The following ATXN3 variants were observed in gnomAD, a reference collection of about 807,000 sequenced individuals.
ATXN3 encodes the protein ataxin-3.
A neutral mutation model predicts 58.2 loss-of-function variants in ATXN3; 28 were observed. The ratio of observed to expected loss-of-function variants is 0.48; its 90% CI spans 0.36 to 0.66. The LOEUF (loss-of-function observed/expected upper bound fraction) is 0.66, where lower values mean the gene tolerates loss of function less well. ATXN3 is among the 30% of genes least tolerant of loss of function. The pLI, the probability that ATXN3 is intolerant of heterozygous loss-of-function variation, is 0.00. For missense variants in ATXN3, 321 were observed against 422.1 expected, an observed-to-expected ratio of 0.76 and a Z score of 2.10; for synonymous variants, 113 against 138.5, an observed-to-expected ratio of 0.82 and a Z score of 1.29.
At chr14:92,104,963 CT>C (rs2067898541) in intron 1 of ATXN3, among the ~76,000 whole-genome samples, 1 of 151,072 alleles carries the variant, frequency 6.6e-6, no homozygotes, top group Non-Finnish European at 1.5e-5. Flanking sequence ...TTTTCACGCA[CT>C]CTACTCAGCC....
At chr14:92,076,455 G>GAA (rs374353802) in intron 9 of ATXN3, among the ~76,000 whole-genome samples, 3 of 98,540 alleles carry the variant, frequency 3.0e-5, no homozygotes, top group Admixed American at 1.2e-4. Flanking sequence ...TCTCAAAAAA[G>GAA]AAAAAAAAAA....
At chr14:92,045,728 A>C (rs1158260718) in intron 2 of ATXN3, among the ~76,000 whole-genome samples, 4 of 152,216 alleles carry the variant, frequency 2.6e-5, no homozygotes, top group Non-Finnish European at 5.9e-5. Context: ...TGAAATGACA[A>C]CAGAATAGAA....
intron 9 of ATXN3, among the ~76,000 whole-genome samples, chr14:92,075,234 G>A (rs968004365): frequency 7.2e-6 from 1 of 139,170 alleles, no homozygotes; most frequent in South Asian, 2.3e-4. Context: ...GCACAACCTC[G>A]GCTCACTGCA....
intron 2 of ATXN3, 176 bp downstream of exon 2, chr14:92,096,498 C>G: frequency 1.3e-6 from 1 of 762,100 alleles, no homozygotes; most frequent in Non-Finnish European, 2.1e-6. Flanking sequence ...GTGCCGTGTG[C>G]CTGTAATCCC....
rs768351340 is a variant in ATXN3 at position 92,064,321 on chromosome 14, TA to T, written c.1084del (p.Ter362AsnfsTer6). 36 of 1,592,150 alleles carry T rather than the reference TA, an allele frequency of 2.3e-5. No individual in the cohort carries two copies. In the East Asian group the frequency reaches 7.2e-4, roughly 32 times the overall value. Reference protein sequence around the residue: ...RNDLKTEGKK* With the variant: ...RNDLKTEGKKX ...TATCTAAATTATTTTTTAAAGGTAT[TA>T]TTTTTTTCCTTCTGTTTTCAAATCA... is the stretch of plus-strand genomic sequence containing the variant. On this transcript the variant is annotated frameshift_variant and stop_lost, in exon 11 of 11. Coordinates refer to ENST00000644486, the MANE Select transcript of ATXN3 (RefSeq NM_004993.6). LOFTEE classifies it high-confidence loss of function.
At chr14:92,088,131 C>T (rs1352557259) in intron 6 of ATXN3, among the ~76,000 whole-genome samples, 4 of 151,414 alleles carry the variant, frequency 2.6e-5, no homozygotes, top group African/African-American at 7.3e-5. Flanking sequence ...GGCAGTGGCG[C>T]GATCTCAGCT....
chr14:92,095,653 T>C (rs2065035885), intron 3 of ATXN3, among the ~76,000 whole-genome samples: 1 of 151,702 alleles, frequency 6.6e-6, no homozygotes, highest in Non-Finnish European at 1.5e-5. Flanking sequence ...TGTTTATCTA[T>C]ATAAAAATCT....
intron 1 of ATXN3, among the ~76,000 whole-genome samples, chr14:92,104,883 TTGCACTCCAGCCTGG>T (rs1555410199): frequency 4.0e-5 from 6 of 148,502 alleles, no homozygotes; most frequent in Non-Finnish European, 8.9e-5. Context: ...GATGGCGCCA[TTGCACTCCAGCCTGG>T]GTGACAAGAG....
intron 6 of ATXN3, among the ~76,000 whole-genome samples, chr14:92,085,261 G>A (rs1243602194): frequency 1.3e-5 from 2 of 151,030 alleles, no homozygotes; most frequent in African/African-American, 4.9e-5. Flanking sequence ...ATCTTGGCTC[G>A]CTGTAACCTC....
At chr14:92,068,018 G>C (rs1027260090) in intron 10 of ATXN3, among the ~76,000 whole-genome samples, 3 of 152,138 alleles carry the variant, frequency 2.0e-5, no homozygotes, top group African/African-American at 7.2e-5. Flanking sequence ...GGACATTGTG[G>C]AGGTGTCCTT....
In ATXN3 at chr14:92,059,653, C is replaced by T. The variant is rs2140178400; in HGVS notation, c.*4667G>A. On this transcript the variant is annotated 3_prime_UTR_variant, in exon 11 of 11. Coordinates refer to ENST00000644486, the MANE Select transcript of ATXN3 (RefSeq NM_004993.6). Reference sequence around the variant, plus strand: ...CTAACATGGTAAAAGCCCGTCTCTACTAAAAAAAACAAATATTCGCCAGGT... The same window carrying T: ...CTAACATGGTAAAAGCCCGTCTCTATTAAAAAAAACAAATATTCGCCAGGT... 7.5e-6 allele frequency: 1 copy of T among 133,768 alleles called. No individual in the cohort carries two copies. The highest frequency in any genetic ancestry group is 2.6e-4 in the South Asian group (1 of 3,876). The allele number at this position is 133,768 out of a possible 1,614,324, so 8.3% of individuals were successfully genotyped here.
intron 1 of ATXN3, 71 bp from the exon 2 acceptor site, chr14:92,096,909 AAT>A: frequency 2.3e-6 from 3 of 1,291,860 alleles, no homozygotes; most frequent in Non-Finnish European, 1.1e-6. Flanking sequence ...TCCCCTAAAT[AAT>A]TTTTTTTTTT....
intron 3 of ATXN3, among the ~76,000 whole-genome samples, chr14:92,095,099 TA>T (rs10672184): frequency 0.02 from 2,894 of 144,786 alleles, 59 homozygotes; most frequent in South Asian, 0.084. Context: ...AGCTATACAT[TA>T]AAAAAAAAAA....
chr14:92,106,572 A>G lies in ATXN3; in HGVS notation c.-20T>C. The G allele has an allele frequency of 1.2e-6, 2 of 1,611,790 alleles. No individual in the cohort carries two copies. Among genetic ancestry groups the G allele is most frequent in the African/African-American group, 1.3e-5 (1 of 74,648 alleles). ...CTCCATGTTTATTTGTCTGGAGCCA[A>G]CGGCCCCCACGCCGAACCACCCCCT... On this transcript the variant is annotated 5_prime_UTR_variant, in exon 1 of 11. Transcript: ENST00000644486.
At chr14:92,050,135 T>C (rs1359175056), upstream of ATXN3, among the ~76,000 whole-genome samples, 2 of 140,270 alleles carry the variant, frequency 1.4e-5, no homozygotes, top group Admixed American at 1.4e-4. Context: ...GGAAGTTGAC[T>C]TTGCTCTCGT....
rs762420328 is a variant in ATXN3 at position 92,088,721 on chromosome 14, G to T, written c.475+9C>A. 1 of 1,561,176 alleles carries T rather than the reference G, an allele frequency of 6.4e-7. No individual in the cohort carries two copies. On this transcript the variant is annotated intron_variant, in intron 6 of 10. Coordinates refer to ENST00000644486, the MANE Select transcript of ATXN3 (RefSeq NM_004993.6). The stretch of plus-strand genomic sequence containing the variant: ...AGGTAACATTACAAAATGTTCAGCC[G>T]TTACTTACCTTCCTGTTGTAATTGA...
At position 92,046,529 on chromosome 14, in the gene ATXN3, C is replaced by G. The variant is rs546002998; in HGVS notation, n.276+1367G>C. On this transcript the variant is annotated intron_variant and non_coding_transcript_variant, in intron 2 of 2. Transcript: ENST00000564606. Reference sequence around the variant, plus strand: ...CTCTTGTGTAAGAATTCCAACTGCACAGCCCTGCATTTCAGCTGTGTGTAA... The same window carrying G: ...CTCTTGTGTAAGAATTCCAACTGCAGAGCCCTGCATTTCAGCTGTGTGTAA... Among the ~76,000 whole-genome samples, 12 of 152,294 alleles carry G rather than the reference C, an allele frequency of 7.9e-5. No individual in the cohort carries two copies. The East Asian group carries it at 2.3e-3, about 29-fold the overall frequency.
chr14:92,074,549 T>A (rs935947019), intron 9 of ATXN3, among the ~76,000 whole-genome samples: 1 of 152,194 alleles, frequency 6.6e-6, no homozygotes, highest in African/African-American at 2.4e-5. Context: ...AAATTTAATA[T>A]CCTCATTACC....
At chr14:92,053,926 C>G (rs554929571), downstream of ATXN3, among the ~76,000 whole-genome samples, 1 of 152,010 alleles carries the variant, frequency 6.6e-6, no homozygotes, top group African/African-American at 2.4e-5. Context: ...TAAACCAGAG[C>G]AACTCCATTT....
Sources: allele counts gnomAD v4.1 joint callset (sites outside exome capture counted in the v4.1 genomes callset), GRCh38; gene constraint gnomAD v4.1.1; transcripts MANE v1.5; gene names NCBI Gene and HGNC (gene_info 2026-07-23, HGNC 2026-07-21).